IRAK1BP1: variants seen among roughly 807,000 people sequenced by gnomAD.
IRAK1BP1 encodes interleukin 1 receptor associated kinase 1 binding protein 1.
IRAK1BP1 carries 24 observed loss-of-function variants against 28.0 expected under a neutral mutation model. The ratio of observed to expected loss-of-function variants is 0.86; its 90% CI spans 0.62 to 1.20. IRAK1BP1 has a LOEUF of 1.20. Ranked by LOEUF, IRAK1BP1 falls within the 50% of genes most tolerant of loss-of-function variation. The pLI is 0.00. For missense variants in IRAK1BP1, 336 were observed against 316.7 expected (o/e 1.06, Z -0.46); for synonymous variants, 131 against 116.3 (o/e 1.13, Z -0.81).
At chr6:78,959,627 T>C in the IRAK1BP1 span, among the ~76,000 whole-genome samples, 4 of 152,162 alleles carry the variant, frequency 2.6e-5, no homozygotes, top group South Asian at 4.1e-4. Context: ...CATCATTGTA[T>C]TGAATAAGAA....
At chr6:78,917,273 A>C (rs1772584697) in intron 4 of IRAK1BP1, among the ~76,000 whole-genome samples, 1 of 152,056 alleles carries the variant, frequency 6.6e-6, no homozygotes, top group Admixed American at 6.6e-5. Context: ...GAAATTTCAA[A>C]ATACAATGGA....
At chr6:78,941,591 G>C (rs1402696936) in intron 4 of IRAK1BP1, among the ~76,000 whole-genome samples, 1 of 152,104 alleles carries the variant, frequency 6.6e-6, no homozygotes, top group Non-Finnish European at 1.5e-5. Flanking sequence ...AGTTAACATT[G>C]TGATTGAGTA....
chr6:78,867,913 A>G, intron 1 of IRAK1BP1, 22 bp downstream of exon 1: 1 of 1,540,692 alleles, frequency 6.5e-7, no homozygotes, highest in Non-Finnish European at 8.8e-7. Flanking sequence ...GCGGGGGAGG[A>G]AATAAGAGCC....
downstream of IRAK1BP1, among the ~76,000 whole-genome samples, chr6:78,904,547 A>C (rs1312725493): frequency 6.6e-6 from 1 of 152,228 alleles, no homozygotes; most frequent in African/African-American, 2.4e-5. Flanking sequence ...CTTCCAAAGG[A>C]TATTTTAGAA....
the IRAK1BP1 span, among the ~76,000 whole-genome samples, chr6:78,971,637 G>A: frequency 2.0e-5 from 3 of 152,154 alleles, no homozygotes; most frequent in Non-Finnish European, 2.9e-5. Flanking sequence ...TCACTAGGGA[G>A]TGCCAGACAG....
At chr6:78,940,496 TTATATA>T (rs55984056) in intron 4 of IRAK1BP1, 17 of 130,786 alleles carry the variant, frequency 1.3e-4, no homozygotes, top group South Asian at 2.4e-4. Context: ...ATGTATATAT[TTATATA>T]TATATATATA....
the IRAK1BP1 span, chr6:78,958,374 A>C: frequency 1.3e-6 from 1 of 786,178 alleles, no homozygotes; most frequent in East Asian, 2.7e-5. Context: ...GCTACTCTTA[A>C]ATGTTTCTTC....
At chr6:78,958,282 T>G in the IRAK1BP1 span, 1 of 420,474 alleles carries the variant, frequency 2.4e-6, no homozygotes, top group Non-Finnish European at 4.2e-6. Flanking sequence ...TATTAGCCAA[T>G]GAACTGTTTC....
At chr6:78,927,911 C>T (rs900230526) in intron 4 of IRAK1BP1, among the ~76,000 whole-genome samples, 1 of 152,056 alleles carries the variant, frequency 6.6e-6, no homozygotes, top group Non-Finnish European at 1.5e-5. Flanking sequence ...GTTTTTATGC[C>T]AGTACCATGC....
chr6:78,884,334 C>CA (rs1001104956), intron 1 of IRAK1BP1, among the ~76,000 whole-genome samples: 1 of 151,444 alleles, frequency 6.6e-6, no homozygotes, highest in African/African-American at 2.4e-5. Context: ...TTGAAAGGTA[C>CA]AAAAAAAATT....
chr6:78,872,032 C>T (rs1203333594), intron 1 of IRAK1BP1: 1 of 658,802 alleles, frequency 1.5e-6, no homozygotes, highest in South Asian at 1.7e-5. Context: ...TCCCCCAGCC[C>T]CAGCAGCCTT....
chr6:78,947,870 A>G (rs748189008), downstream of IRAK1BP1: 1 of 772,102 alleles, frequency 1.3e-6, no homozygotes, highest in Non-Finnish European at 2.1e-6. Flanking sequence ...TGATGACTGC[A>G]AGTCCTAGAA....
At chr6:78,925,406 A>G (rs1772860337) in intron 4 of IRAK1BP1, among the ~76,000 whole-genome samples, 1 of 152,244 alleles carries the variant, frequency 6.6e-6, no homozygotes, top group South Asian at 2.1e-4. Flanking sequence ...AAATAAAGAC[A>G]TACACGTGAT....
chr6:78,940,717 T>C, intron 4 of IRAK1BP1: 1 of 1,612,348 alleles, frequency 6.2e-7, no homozygotes, highest in South Asian at 1.1e-5. Context: ...AATTAGCTTT[T>C]GCTTTTTCAG....
At chr6:78,939,846 A>G (rs898034526) in intron 4 of IRAK1BP1, 1 of 152,446 alleles carries the variant, frequency 6.6e-6, no homozygotes, top group Non-Finnish European at 1.5e-5. Flanking sequence ...CCAAAAAAAG[A>G]TATATCTCAG....
At chr6:78,906,233 T>C (rs915494868), downstream of IRAK1BP1, among the ~76,000 whole-genome samples, 1 of 152,194 alleles carries the variant, frequency 6.6e-6, no homozygotes, top group Non-Finnish European at 1.5e-5. Context: ...TACTCTTTTT[T>C]TTTTCTGAGT....
At chr6:78,953,909 A>C in the IRAK1BP1 span, among the ~76,000 whole-genome samples, 1 of 152,066 alleles carries the variant, frequency 6.6e-6, no homozygotes, top group Non-Finnish European at 1.5e-5. Flanking sequence ...ACATTTAATT[A>C]CTTTTTAAAG....
chr6:78,916,213 C>A (rs777556061), intron 4 of IRAK1BP1, among the ~76,000 whole-genome samples: 3 of 151,930 alleles, frequency 2.0e-5, no homozygotes, highest in African/African-American at 7.3e-5. Context: ...GTTTTTTGTT[C>A]ATTTGTTTGT....
chr6:78,885,681 T>TA (rs1562081374), intron 2 of IRAK1BP1, among the ~76,000 whole-genome samples: 1 of 152,142 alleles, frequency 6.6e-6, no homozygotes, highest in East Asian at 1.9e-4. Context: ...TGCCACTAAA[T>TA]ACAGTTTTAG....
Sources: gnomAD v4.1 joint callset for allele counts (sites outside exome capture counted in the v4.1 genomes callset) on GRCh38, gnomAD v4.1.1 for gene constraint, MANE v1.5 for transcripts, NCBI Gene and HGNC (gene_info 2026-07-23, HGNC 2026-07-21) for gene names.